Variants in ACSM3 observed in about 807,000 individuals in gnomAD.
ACSM3 encodes the protein acyl-CoA synthetase medium chain family member 3, also known as acyl-coenzyme A synthetase ACSM3, mitochondrial.
ACSM3 carries 61 observed loss-of-function variants against 74.1 expected under a neutral mutation model. The ratio of observed to expected loss-of-function variants is 0.82; its 90% confidence interval spans 0.67 to 1.02. The LOEUF (loss-of-function observed/expected upper bound fraction) is 1.02, where lower values mean the gene tolerates loss of function less well. Ranked by LOEUF, ACSM3 falls within the 50% of genes least tolerant of loss-of-function variation. The pLI, the probability that ACSM3 is intolerant of heterozygous loss-of-function variation, is 0.00. For missense variants in ACSM3, 660 were observed against 697.0 expected, an observed-to-expected ratio of 0.95 and a Z score of 0.60; for synonymous variants, 213 against 241.5, an observed-to-expected ratio of 0.88 and a Z score of 1.09.
chr16:20,750,435 A>G (rs907404142), intron 2 of ACSM3, among the ~76,000 whole-genome samples: 10 of 152,116 alleles, frequency 6.6e-5, no homozygotes, highest in African/African-American at 2.2e-4. Context: ...AATTCATGAG[A>G]TCCTTCATAA....
At chr16:20,722,582 C>A (rs1681879525) in intron 1 of ACSM3, among the ~76,000 whole-genome samples, 1 of 152,150 alleles carries the variant, frequency 6.6e-6, no homozygotes, top group Admixed American at 6.5e-5. Context: ...TCAACTTACT[C>A]AAAAAACTGA....
chr16:20,704,668 G>A (rs922082195), intron 1 of ACSM3, among the ~76,000 whole-genome samples: 2 of 152,094 alleles, frequency 1.3e-5, no homozygotes, highest in Non-Finnish European at 2.9e-5. Flanking sequence ...AAAAAGAAGA[G>A]GCATATAAAA....
chr16:20,738,880 G>C (rs777193257), intron 1 of ACSM3: 8 of 1,612,366 alleles, frequency 5.0e-6, no homozygotes, highest in Non-Finnish European at 6.8e-6. Flanking sequence ...GATAATCTTA[G>C]CAAGTATTTG....
intron 1 of ACSM3, among the ~76,000 whole-genome samples, chr16:20,704,711 G>A (rs1036926778): frequency 1.3e-5 from 2 of 152,220 alleles, no homozygotes; most frequent in African/African-American, 2.4e-5. Flanking sequence ...CAATGTAGGA[G>A]AGTATAAAAG....
At chr16:20,780,343 T>C in intron 4 of ACSM3, 1 of 386,138 alleles carries the variant, frequency 2.6e-6, no homozygotes, top group Non-Finnish European at 4.7e-6. Context: ...TTTTAAAGCA[T>C]CCATAGGGGA....
At chr16:20,737,203 C>T (rs1299520996) in intron 1 of ACSM3, 2 of 1,614,206 alleles carry the variant, frequency 1.2e-6, no homozygotes, top group East Asian at 2.2e-5. Flanking sequence ...AGGCAACAGA[C>T]AGCTTTGATG....
chr16:20,710,803 G>A (rs1465485255), intron 1 of ACSM3, among the ~76,000 whole-genome samples: 1 of 152,106 alleles, frequency 6.6e-6, no homozygotes, highest in Non-Finnish European at 1.5e-5. Context: ...TAATAATTTA[G>A]GTCGAGTGCA....
intron 1 of ACSM3, chr16:20,737,870 T>C (rs1317216212): frequency 2.5e-6 from 4 of 1,613,816 alleles, no homozygotes; most frequent in Middle Eastern, 1.6e-4. Context: ...GTGCCTGAGA[T>C]GGGTAACATT....
chr16:20,791,035 G>T, intron 10 of ACSM3: 1 of 1,208,824 alleles, frequency 8.3e-7, no homozygotes, highest in Non-Finnish European at 1.2e-6. Context: ...TTTTCGGGAA[G>T]AGTGAGAGGG....
chr16:20,682,973 C>G (rs2079477263), intron 1 of ACSM3, among the ~76,000 whole-genome samples: 1 of 152,166 alleles, frequency 6.6e-6, no homozygotes. Context: ...CCATTGCCAA[C>G]AGTGAGCTCA....
chr16:20,687,342 G>A (rs1428957613), intron 1 of ACSM3, among the ~76,000 whole-genome samples: 1 of 152,126 alleles, frequency 6.6e-6, no homozygotes, highest in East Asian at 1.9e-4. Flanking sequence ...GGGAAATTAA[G>A]AAATTAAAAC....
At chr16:20,691,237 T>C (rs1411625895) in intron 1 of ACSM3, 10 of 1,459,364 alleles carry the variant, frequency 6.9e-6, no homozygotes, top group Non-Finnish European at 8.2e-6. Context: ...AGTCACCACC[T>C]GCCTTGGGAA....
At chr16:20,704,074 T>C (rs372726220) in intron 1 of ACSM3, among the ~76,000 whole-genome samples, 3 of 152,230 alleles carry the variant, frequency 2.0e-5, no homozygotes, top group African/African-American at 7.2e-5. Flanking sequence ...CATTGCTTAG[T>C]AAAATTTATA....
At chr16:20,696,251 G>A (rs1237958658) in intron 1 of ACSM3, among the ~76,000 whole-genome samples, 2 of 152,170 alleles carry the variant, frequency 1.3e-5, no homozygotes, top group Non-Finnish European at 2.9e-5. Flanking sequence ...AGTGATGCAT[G>A]TCTCTATCTC....
chr16:20,788,946 C>T (rs982048689), intron 9 of ACSM3, among the ~76,000 whole-genome samples: 2 of 152,154 alleles, frequency 1.3e-5, no homozygotes, highest in Non-Finnish European at 2.9e-5. Flanking sequence ...TCATTCAGCA[C>T]ATAAGCCCCT....
At chr16:20,728,416 C>T in intron 1 of ACSM3, 2 of 1,434,012 alleles carry the variant, frequency 1.4e-6, no homozygotes, top group Non-Finnish European at 1.9e-6. Context: ...AATGTTCTAC[C>T]ACCTGGCAAA....
At chr16:20,674,565 C>T (rs953754866), upstream of ACSM3, 2 of 152,536 alleles carry the variant, frequency 1.3e-5, no homozygotes, top group Non-Finnish European at 2.9e-5. Context: ...ATATATCCTC[C>T]TCAACCCCAT....
At position 20,786,122 on chromosome 16, in the gene ACSM3, C is replaced by T; in HGVS notation, c.1188C>T (p.Gly396=). 6.2e-7 allele frequency: 1 copy of T among 1,604,556 alleles called. No individual in the cohort carries two copies. Among genetic ancestry groups the T allele is most frequent in the Non-Finnish European group, 8.5e-7 (1 of 1,176,490 alleles). The change falls in exon 9 of 14, where the codon GGC becomes GGT. Residue 396 remains glycine, a synonymous_variant. Transcript: ENST00000289416. Reference sequence around the variant, plus strand: ...TTAAGGGAATGAAAATTAAACCTGGCTCAATGGGAAAACCTTCTCCTGCTT... The same window carrying T: ...TTAAGGGAATGAAAATTAAACCTGGTTCAATGGGAAAACCTTCTCCTGCTT... ...GNFKGMKIKP[G]SMGKPSPAFD... is the part of the protein sequence containing the mutation.
Position 20,786,088 on chromosome 16 carries a change from G to C in ACSM3, c.1154G>C (p.Cys385Ser), listed in dbSNP as rs759253257. The C allele has an allele frequency of 6.9e-6, 11 of 1,592,540 alleles. No homozygotes were observed. Among genetic ancestry groups the C allele is most frequent in the Admixed American group, 1.8e-5 (1 of 55,546 alleles). ...GYGQTETVLI[C>S]GNFKGMKIKP... is the part of the protein sequence containing the mutation. ...CTTCTTCTTAACTAGGTGCTAATCT[G>C]TGGAAATTTTAAGGGAATGAAAATT... Residue 385 changes from cysteine to serine, a missense_variant, in exon 9 of 14, where the codon TGT becomes TCT. Physicochemically the swap from Cys to Ser is moderately radical, Grantham distance 112 (BLOSUM62 -1). Coordinates refer to ENST00000289416, the MANE Select transcript of ACSM3 (RefSeq NM_005622.4).
Sources: gnomAD v4.1 joint callset for allele counts (sites outside exome capture counted in the v4.1 genomes callset) on GRCh38, gnomAD v4.1.1 for gene constraint, MANE v1.5 for transcripts, NCBI Gene and HGNC (gene_info 2026-07-23, HGNC 2026-07-21) for gene names.